The following RAB1A variants were observed in gnomAD, a reference collection of about 807,000 sequenced individuals.
The protein encoded by RAB1A is RAB1A, member RAS oncogene family, also known as ras-related protein Rab-1A.
RAB1A carries 2 observed loss-of-function variants against 26.0 expected under a neutral mutation model. That is an observed-to-expected ratio of 0.08 (90% CI 0.03 to 0.24). The LOEUF (loss-of-function observed/expected upper bound fraction) is 0.24. Ranked by LOEUF, RAB1A falls within the 10% of genes least tolerant of loss-of-function variation. The pLI is 1.00. For synonymous variants in RAB1A, 84 were observed against 84.9 expected (o/e 0.99, Z 0.06); for missense variants, 100 against 247.0 (o/e 0.40, Z 3.99).
At chr2:65,094,950 AG>A (rs1253134089) in intron 3 of RAB1A, among the ~76,000 whole-genome samples, 3 of 152,228 alleles carry the variant, frequency 2.0e-5, no homozygotes, top group Non-Finnish European at 4.4e-5. Context: ...CCAATAAAAG[AG>A]GAATTAATCT....
intron 1 of RAB1A, among the ~76,000 whole-genome samples, chr2:65,125,864 CTTTTTTTTT>C (rs55930968): frequency 0.029 from 2,172 of 74,702 alleles, 86 homozygotes; most frequent in African/African-American, 0.11. Flanking sequence ...TTTCAATTGC[CTTTTTTTTT>C]TTTTTTTTTT....
At chr2:65,122,055 C>T (rs1040843625) in intron 1 of RAB1A, among the ~76,000 whole-genome samples, 1 of 147,968 alleles carries the variant, frequency 6.8e-6, no homozygotes, top group East Asian at 2.1e-4. Flanking sequence ...ACTCAGGAGG[C>T]TGAGGCAGAA....
Position 65,091,779 on chromosome 2 carries a change from T to G in RAB1A, c.193-701A>C, listed in dbSNP as rs113531980. ...GACTCAAGCAATTATCCTAACTCAT[T>G]CTCCCAAAGTGCTGGCATTACTGGC... On this transcript the variant is annotated intron_variant, in intron 3 of 5. Coordinates refer to ENST00000409784, the MANE Select transcript of RAB1A (RefSeq NM_004161.5). 4.3e-3 allele frequency among the ~76,000 whole-genome samples: 651 copies of G among 152,118 alleles called. 5 individuals are homozygous for G. Among genetic ancestry groups the G allele is most frequent in the African/African-American group, 0.015 (627 of 41,474 alleles).
At position 65,087,751 on chromosome 2, in the gene RAB1A, AAGAT is replaced by A. The variant is rs1669069032; in HGVS notation, c.*738_*741del. On this transcript the variant is annotated 3_prime_UTR_variant, in exon 6 of 6. Transcript: ENST00000409784. ...GAAAGCAAATACTGGATGCTGCTCTAAGATAGGTCTAGAATACCTTAGTTTGCAT... is the reference window on the plus strand; with the variant it reads ...GAAAGCAAATACTGGATGCTGCTCTAAGGTCTAGAATACCTTAGTTTGCAT... 1 of 152,678 alleles carries A rather than the reference AAGAT, an allele frequency of 6.5e-6. No individual in the cohort carries two copies. Among genetic ancestry groups the A allele is most frequent in the Non-Finnish European group, 1.5e-5 (1 of 68,044 alleles). The allele number at this position is 152,678 out of a possible 1,614,324, so 9.5% of individuals were successfully genotyped here.
chr2:65,100,750 C>T (rs565581526), intron 2 of RAB1A, among the ~76,000 whole-genome samples: 104 of 130,086 alleles, frequency 8.0e-4, no homozygotes, highest in Admixed American at 4.2e-3. Context: ...CAGAGCGAGA[C>T]TCCATCTCAA....
At position 65,096,084 on chromosome 2, in the gene RAB1A, C is replaced by T. The variant is rs372725018; in HGVS notation, c.192+1887G>A. The stretch of plus-strand genomic sequence containing the variant: ...AAGAGAACTGCTTGAACCTGGGAGG[C>T]GGAGGCTGCAGCGAGCCAAGATTGC... On this transcript the variant is annotated intron_variant, in intron 3 of 5. Coordinates refer to ENST00000409784, the MANE Select transcript of RAB1A (RefSeq NM_004161.5). Among the ~76,000 whole-genome samples the T allele has an allele frequency of 7.2e-5, 11 of 151,954 alleles. No individual in the cohort carries two copies. In the East Asian group the frequency reaches 1.4e-3, roughly 19 times the overall value.
intron 3 of RAB1A, among the ~76,000 whole-genome samples, chr2:65,095,565 C>T (rs1257061151): frequency 7.0e-6 from 1 of 142,448 alleles, no homozygotes; most frequent in African/African-American, 2.6e-5. Flanking sequence ...GTTGACCAGG[C>T]TGGTCACAGG....
chr2:65,108,802 A>G (rs1669624089), intron 1 of RAB1A, among the ~76,000 whole-genome samples: 1 of 152,300 alleles, frequency 6.6e-6, no homozygotes, highest in African/African-American at 2.4e-5. Context: ...GCGAAACTCC[A>G]TCTCAAAAAA....
rs960438411 is a variant in RAB1A at position 65,087,431 on chromosome 2, A to G, written c.*1062T>C. The G allele has an allele frequency of 2.0e-4, 31 of 152,626 alleles. No individual in the cohort carries two copies. Among genetic ancestry groups the G allele is most frequent in the African/African-American group, 7.5e-4 (31 of 41,454 alleles). The allele number at this position is 152,626 out of a possible 1,614,324, so 9.5% of individuals were successfully genotyped here. ...ACCAAGTTAAGCAACTGTGGAGGAT[A>G]AAATAGTTGAATCTGACTGAAAGCA... is the stretch of plus-strand genomic sequence containing the variant. On this transcript the variant is annotated 3_prime_UTR_variant, in exon 6 of 6. Coordinates refer to ENST00000409784, the MANE Select transcript of RAB1A (RefSeq NM_004161.5).
At chr2:65,113,109 TGTC>T (rs1408927200) in intron 1 of RAB1A, among the ~76,000 whole-genome samples, 6 of 152,288 alleles carry the variant, frequency 3.9e-5, no homozygotes, top group African/African-American at 1.4e-4. Context: ...ACATTAGAAT[TGTC>T]TTTTGCTTAA....
At chr2:65,123,193 C>T (rs1286651152) in intron 1 of RAB1A, among the ~76,000 whole-genome samples, 11 of 133,362 alleles carry the variant, frequency 8.2e-5, no homozygotes, top group African/African-American at 3.2e-4. Context: ...TTTTTTGAGA[C>T]AGAGTCTCGC....
intron 3 of RAB1A, among the ~76,000 whole-genome samples, chr2:65,095,516 CTT>C (rs35819441): frequency 1.3e-4 from 16 of 125,916 alleles, no homozygotes; most frequent in East Asian, 4.7e-4. Context: ...CACCTGGTTA[CTT>C]TTTTTTTTTT....
chr2:65,109,136 C>T (rs576371124), intron 1 of RAB1A, among the ~76,000 whole-genome samples: 52 of 152,244 alleles, frequency 3.4e-4, no homozygotes, highest in African/African-American at 1.2e-3. Flanking sequence ...ACTGAATATT[C>T]GTGAGAATTC....
intron 5 of RAB1A, 86 bp from the exon 6 acceptor site, chr2:65,088,776 A>C: frequency 7.5e-7 from 1 of 1,330,658 alleles, no homozygotes; most frequent in African/African-American, 1.5e-5. Context: ...ATGGAGCGTG[A>C]GGAACTAAGT....
intron 1 of RAB1A, among the ~76,000 whole-genome samples, chr2:65,113,234 G>A (rs1026844605): frequency 5.3e-5 from 8 of 152,138 alleles, no homozygotes; most frequent in Admixed American, 6.6e-5. Context: ...ATTTGTTTGC[G>A]TGCAAAAATG....
At chr2:65,088,798 A>G in intron 5 of RAB1A, 108 bp from the exon 6 acceptor site, 2 of 1,315,110 alleles carry the variant, frequency 1.5e-6, no homozygotes. Context: ...CATTGGATCC[A>G]AACAGATGCT....
In RAB1A at chr2:65,088,486, G is replaced by T; in HGVS notation, c.*7C>A. 1 of 1,590,376 alleles carries T rather than the reference G, an allele frequency of 6.3e-7. No individual in the cohort carries two copies. The highest frequency in any genetic ancestry group is 8.5e-7 in the Non-Finnish European group (1 of 1,169,802). On this transcript the variant is annotated 3_prime_UTR_variant, in exon 6 of 6. Coordinates refer to ENST00000409784, the MANE Select transcript of RAB1A (RefSeq NM_004161.5). Reference sequence around the variant, plus strand: ...TCATTGCTGTGAGAAAAGGATGGAGGCAAATTTTAGCAGCAACCTCCACCT... The same window carrying T: ...TCATTGCTGTGAGAAAAGGATGGAGTCAAATTTTAGCAGCAACCTCCACCT...
intron 1 of RAB1A, among the ~76,000 whole-genome samples, chr2:65,120,967 C>G (rs918476777): frequency 1.3e-5 from 2 of 152,008 alleles, no homozygotes; most frequent in African/African-American, 2.4e-5. Context: ...ATGTAAAGAC[C>G]ATAGATGGCC....
At chr2:65,124,728 T>C (rs1670056599) in intron 1 of RAB1A, among the ~76,000 whole-genome samples, 1 of 152,204 alleles carries the variant, frequency 6.6e-6, no homozygotes, top group African/African-American at 2.4e-5. Flanking sequence ...ATTATAGGCA[T>C]GAGCCACTGT....
Sources: gnomAD v4.1 joint callset for allele counts (sites outside exome capture counted in the v4.1 genomes callset) on GRCh38, gnomAD v4.1.1 for gene constraint, MANE v1.5 for transcripts, NCBI Gene and HGNC (gene_info 2026-07-23, HGNC 2026-07-21) for gene names.